Variants in GALNT17 observed in about 807,000 individuals in gnomAD.
GALNT17 encodes UDP-GalNAc:polypeptide N-acetylgalactosaminyltransferase-like 3.
In GALNT17, 29 loss-of-function variants were observed where a neutral mutation model predicts 63.7. The observed-to-expected ratio is 0.46, with a 90% CI of 0.34 to 0.62. The LOEUF is 0.62. Ranked by LOEUF, GALNT17 falls within the 20% of genes least tolerant of loss-of-function variation. GALNT17 has a pLI of 0.01. For synonymous variants in GALNT17, 305 were observed against 318.3 expected, an observed-to-expected ratio of 0.96 and a Z score of 0.45; for missense variants, 603 against 799.6, an observed-to-expected ratio of 0.75 and a Z score of 2.97.
intron 2 of GALNT17, among the ~76,000 whole-genome samples, chr7:71,376,138 T>A (rs1181708296): frequency 6.6e-6 from 1 of 152,164 alleles, no homozygotes; most frequent in Non-Finnish European, 1.5e-5. Context: ...TTGGATCTGC[T>A]GCTGCTTGGC....
intron 6 of GALNT17, among the ~76,000 whole-genome samples, chr7:71,663,501 A>G (rs1404399825): frequency 2.0e-5 from 3 of 152,126 alleles, no homozygotes; most frequent in Non-Finnish European, 2.9e-5. Flanking sequence ...ACTTCCTTCC[A>G]TGGCCAGCAG....
At chr7:71,646,125 C>T (rs1488221518) in intron 6 of GALNT17, among the ~76,000 whole-genome samples, 4 of 152,168 alleles carry the variant, frequency 2.6e-5, no homozygotes, top group Admixed American at 1.3e-4. Context: ...GATACACCAT[C>T]GTGGAACAGA....
At chr7:71,602,633 G>A (rs937314440) in intron 6 of GALNT17, among the ~76,000 whole-genome samples, 2 of 152,278 alleles carry the variant, frequency 1.3e-5, no homozygotes, top group Admixed American at 6.5e-5. Flanking sequence ...GATACACAGG[G>A]CCTGTAGCCA....
intron 1 of GALNT17, among the ~76,000 whole-genome samples, chr7:71,254,798 C>T (rs1432645385): frequency 6.6e-6 from 1 of 152,154 alleles, no homozygotes; most frequent in African/African-American, 2.4e-5. Flanking sequence ...GTTACTTGCT[C>T]CAAGTCACCC....
At chr7:71,438,027 C>G (rs1786997222) in intron 5 of GALNT17, among the ~76,000 whole-genome samples, 1 of 152,142 alleles carries the variant, frequency 6.6e-6, no homozygotes, top group Non-Finnish European at 1.5e-5. Flanking sequence ...GACCTGTTTT[C>G]TAAGCCAGAT....
chr7:71,518,898 A>G (rs1788484101), intron 5 of GALNT17, among the ~76,000 whole-genome samples: 1 of 152,124 alleles, frequency 6.6e-6, no homozygotes, highest in Non-Finnish European at 1.5e-5. Flanking sequence ...CCCTTCTCAC[A>G]TTCATTCATT....
At chr7:71,657,899 TGG>T (rs1790853032) in intron 6 of GALNT17, among the ~76,000 whole-genome samples, 1 of 14,398 alleles carries the variant, frequency 6.9e-5, no homozygotes, top group Non-Finnish European at 1.9e-4. Flanking sequence ...GATGGATGGA[TGG>T]ATGGGTGGAT....
At chr7:71,675,477 G>A (rs1446437366) in intron 8 of GALNT17, among the ~76,000 whole-genome samples, 4 of 152,078 alleles carry the variant, frequency 2.6e-5, no homozygotes, top group Admixed American at 2.6e-4. Context: ...AGAGCTCTTG[G>A]CCAGGCACAG....
chr7:71,137,232 C>T (rs1308892659), intron 1 of GALNT17, among the ~76,000 whole-genome samples: 2 of 151,776 alleles, frequency 1.3e-5, no homozygotes, highest in South Asian at 2.1e-4. Context: ...CTCCGCCTCC[C>T]GGGTTCACGC....
At chr7:71,497,679 G>A (rs1434914589) in intron 5 of GALNT17, among the ~76,000 whole-genome samples, 1 of 152,172 alleles carries the variant, frequency 6.6e-6, no homozygotes, top group Non-Finnish European at 1.5e-5. Context: ...GCTTACATGG[G>A]GAAGTGTGCT....
At chr7:71,385,217 C>A (rs567483138) in intron 2 of GALNT17, among the ~76,000 whole-genome samples, 52 of 152,148 alleles carry the variant, frequency 3.4e-4, no homozygotes, top group African/African-American at 1.2e-3. Flanking sequence ...CCCAGGTAGA[C>A]CCTCGAAAGG....
In GALNT17 at chr7:71,592,571, A is replaced by G. The variant is rs1239073299; in HGVS notation, c.1080+21169A>G. On this transcript the variant is annotated intron_variant, in intron 6 of 10. Transcript: ENST00000333538. ...TAGCATAGCATAGCATACTAAAATAAAATAAAATAAAATAAAATAAAATAA... is the reference window on the plus strand; with the variant it reads ...TAGCATAGCATAGCATACTAAAATAGAATAAAATAAAATAAAATAAAATAA... 4.1e-5 allele frequency among the ~76,000 whole-genome samples: 4 copies of G among 96,800 alleles called. No individual in the cohort carries two copies. The South Asian group carries it at 1.6e-3, about 40-fold the overall frequency. 63.5% of individuals were successfully genotyped at this position (96,800 alleles called of 152,430 possible). A position where few individuals can be genotyped will look rare whatever the true frequency, so the allele number is the denominator to read the frequency against.
At chr7:71,517,754 G>A (rs1788467488) in intron 5 of GALNT17, among the ~76,000 whole-genome samples, 1 of 152,166 alleles carries the variant, frequency 6.6e-6, no homozygotes, top group Admixed American at 6.5e-5. Flanking sequence ...TCAATACAGG[G>A]AATAACCTTT....
chr7:71,133,488 T>C lies in GALNT17; in HGVS notation c.238+448T>C, dbSNP rs185625647. 5.5e-3 allele frequency among the ~76,000 whole-genome samples: 840 copies of C among 152,116 alleles called. 12 individuals carry two copies. Among genetic ancestry groups the C allele is most frequent in the African/African-American group, 0.019 (794 of 41,486 alleles). ...AGGGCTTGGATGTCTGCAGACAAAG[T>C]CAAGGCCCCAGGTCGCGGAGCTAAT... On this transcript the variant is annotated intron_variant, in intron 1 of 10. Transcript: ENST00000333538.
In GALNT17 at chr7:71,632,971, G is replaced by A. The variant is rs188126372; in HGVS notation, c.1081-32440G>A. On this transcript the variant is annotated intron_variant, in intron 6 of 10. Coordinates refer to ENST00000333538, the MANE Select transcript of GALNT17 (RefSeq NM_022479.3). ...ATACAAAAACTAGCTGGGCATGGTG[G>A]CACACGCCTGTAATCCCAGCTACTT... 9.0e-3 allele frequency among the ~76,000 whole-genome samples: 1,362 copies of A among 151,892 alleles called. 9 individuals carry two copies. Among genetic ancestry groups the A allele is most frequent in the Middle Eastern group, 0.027 (8 of 292 alleles).
chr7:71,276,238 G>T (rs75757147), intron 1 of GALNT17, among the ~76,000 whole-genome samples: 1 of 152,136 alleles, frequency 6.6e-6, no homozygotes, highest in Non-Finnish European at 1.5e-5. Flanking sequence ...GGCTGCAGGG[G>T]TGGGGGTGGT....
intron 5 of GALNT17, among the ~76,000 whole-genome samples, chr7:71,492,133 G>A (rs1167123579): frequency 1.3e-5 from 2 of 152,100 alleles, no homozygotes; most frequent in Non-Finnish European, 2.9e-5. Flanking sequence ...TACAAAATTA[G>A]TCGGGCGTGG....
intron 5 of GALNT17, among the ~76,000 whole-genome samples, chr7:71,555,099 G>A (rs1164578168): frequency 2.0e-5 from 3 of 151,962 alleles, no homozygotes; most frequent in South Asian, 2.1e-4. Flanking sequence ...TAGAGTCTTC[G>A]TTAACAACCA....
intron 5 of GALNT17, among the ~76,000 whole-genome samples, chr7:71,425,654 G>A (rs887504070): frequency 1.3e-5 from 2 of 151,962 alleles, no homozygotes; most frequent in African/African-American, 2.4e-5. Flanking sequence ...TTGACCACCC[G>A]GCCCCCAGAA....
Sources: allele counts gnomAD v4.1 joint callset (sites outside exome capture counted in the v4.1 genomes callset), GRCh38; gene constraint gnomAD v4.1.1; transcripts MANE v1.5; gene names NCBI Gene and HGNC (gene_info 2026-07-23, HGNC 2026-07-21).